The following MYH14 variants were observed in gnomAD, a reference collection of about 807,000 sequenced individuals.
The protein encoded by MYH14 is myosin-14.
MYH14 carries 123 observed loss-of-function variants against 255.5 expected under a neutral mutation model. The ratio of observed to expected loss-of-function variants is 0.48; its 90% confidence interval spans 0.42 to 0.56. The LOEUF is 0.56. MYH14 is among the 20% of genes least tolerant of loss of function. The pLI is 0.00. For missense variants in MYH14, 2,423 were observed against 2,802.3 expected (o/e 0.86, Z 3.06); for synonymous variants, 1,095 against 1,161.2 (o/e 0.94, Z 1.16).
intron 30 of MYH14, 41 bp downstream of exon 30, chr19:50,278,330 C>G (rs2035587391): frequency 1.4e-6 from 2 of 1,425,846 alleles, no homozygotes; most frequent in African/African-American, 1.4e-5. Context: ...GCTGTGTGAC[C>G]TTGGTGACAT....
intron 17 of MYH14, among the ~76,000 whole-genome samples, chr19:50,256,707 C>G (rs1157982418): frequency 6.6e-5 from 10 of 152,172 alleles, no homozygotes; most frequent in Non-Finnish European, 1.5e-4. Flanking sequence ...TTAGGCTCTT[C>G]TGGAAAAATG....
rs866381298 is a variant in MYH14, at chr19:50,250,059, A to G, written c.1656+236A>G. 1.3e-5 allele frequency among the ~76,000 whole-genome samples: 2 copies of G among 152,172 alleles called. No homozygotes were observed. The highest frequency in any genetic ancestry group is 2.4e-5 in the African/African-American group (1 of 41,442). On this transcript the variant is annotated intron_variant, in intron 14 of 42. Coordinates refer to ENST00000642316, the MANE Select transcript of MYH14 (RefSeq NM_001145809.2). The surrounding 1 kb of genome is among the most constrained non-coding windows in gnomAD (Gnocchi z 5.4). Reference sequence around the variant, plus strand: ...ATCGGTTAATCAGAGCTCTCACCGTAACTGTTGTTCTCACGTTTGTTTTTT... The same window carrying G: ...ATCGGTTAATCAGAGCTCTCACCGTGACTGTTGTTCTCACGTTTGTTTTTT...
In MYH14 at chr19:50,273,601, G is replaced by GTGTGTGTGTGTGTGTGTGTGT. The variant is rs1555772397; in HGVS notation, c.3467+870_3467+871insTGTGTGTGTGTGTGTGTGTGT. ...ATCTTAGAGTTGATGGAACATGGGGGGTGTGTGTGTGTGTGTGTGTGTGTG... is the reference window on the plus strand; with the variant it reads ...ATCTTAGAGTTGATGGAACATGGGGGTGTGTGTGTGTGTGTGTGTGTGTGTGTGTGTGTGTGTGTGTGTGTG... On this transcript the variant is annotated intron_variant, in intron 27 of 42. Coordinates refer to ENST00000642316, the MANE Select transcript of MYH14 (RefSeq NM_001145809.2). 2.1e-3 allele frequency among the ~76,000 whole-genome samples: 285 copies of GTGTGTGTGTGTGTGTGTGTGT among 137,574 alleles called. 2 individuals carry two copies. Among genetic ancestry groups the GTGTGTGTGTGTGTGTGTGTGT allele is most frequent in the African/African-American group, 4.2e-3 (155 of 37,174 alleles). 90.3% of individuals were successfully genotyped at this position (137,574 alleles called of 152,430 possible).
chr19:50,225,560 A>T (rs1215928739), intron 6 of MYH14, 25 bp from the exon 7 acceptor site: 1 of 1,600,610 alleles, frequency 6.2e-7, no homozygotes, highest in South Asian at 1.1e-5. Flanking sequence ...CACTGACCTC[A>T]TGCATCATCT....
intron 40 of MYH14, among the ~76,000 whole-genome samples, chr19:50,305,843 G>T (rs1230274894): frequency 6.6e-6 from 1 of 152,156 alleles, no homozygotes; most frequent in East Asian, 1.9e-4. Context: ...GAGGTGGGAG[G>T]ATCGCTTGAG....
At chr19:50,208,969 C>T (rs1048284723) in intron 1 of MYH14, among the ~76,000 whole-genome samples, 2 of 151,990 alleles carry the variant, frequency 1.3e-5, no homozygotes, top group African/African-American at 4.8e-5. Flanking sequence ...GTCTGGGCAA[C>T]ATAGAAGACC....
chr19:50,256,748 A>G (rs1355852065), intron 17 of MYH14, among the ~76,000 whole-genome samples: 1 of 152,242 alleles, frequency 6.6e-6, no homozygotes, highest in Non-Finnish European at 1.5e-5. Context: ...CCCTATTTCA[A>G]ATATTGCATA....
chr19:50,261,543 G>A lies in MYH14; in HGVS notation c.2493G>A (p.Gly831=), dbSNP rs1016179584. ...VGQSKIFFRA[G]VLAQLEEERD... is the part of the protein sequence containing the mutation. ...AGAGCAAGATCTTCTTCCGGGCTGG[G>A]GTCCTGGCCCAGCTGGAAGAGGAGC... is the stretch of plus-strand genomic sequence containing the variant. The change falls in exon 21 of 43, where the codon GGG becomes GGA. Residue 831 remains glycine (G), a synonymous_variant. Transcript: ENST00000642316. 1.9e-6 allele frequency: 3 copies of A among 1,597,144 alleles called. No individual in the cohort carries two copies. Among genetic ancestry groups the A allele is most frequent in the Non-Finnish European group, 2.6e-6 (3 of 1,174,484 alleles).
chr19:50,272,086 A>C (rs1310790881), intron 26 of MYH14, 114 bp downstream of exon 26: 1 of 1,421,564 alleles, frequency 7.0e-7, no homozygotes, highest in South Asian at 1.3e-5. Context: ...GATAGGAAGG[A>C]AGGCTCAGGG....
chr19:50,272,645 G>A lies in MYH14; in HGVS notation c.3381G>A (p.Glu1127=), dbSNP rs756943385. The A allele has an allele frequency of 2.4e-5, 38 of 1,567,378 alleles. No homozygotes were observed. The highest frequency in any genetic ancestry group is 7.6e-5 in the Admixed American group (4 of 52,544). Residue 1127 remains glutamate (E), a synonymous_variant, in exon 27 of 43, where the codon GAG becomes GAA. Coordinates refer to ENST00000642316, the MANE Select transcript of MYH14 (RefSeq NM_001145809.2). ...RLDGESSELQ[E]QMVEQQQRAE... Reference sequence around the variant, plus strand: ...ATGGGGAGAGCTCAGAGCTGCAGGAGCAGATGGTGGAGCAGCAACAGCGGG... The same window carrying A: ...ATGGGGAGAGCTCAGAGCTGCAGGAACAGATGGTGGAGCAGCAACAGCGGG...
At chr19:50,233,290 C>T (rs1176558584) in intron 10 of MYH14, among the ~76,000 whole-genome samples, 1 of 152,112 alleles carries the variant, frequency 6.6e-6, no homozygotes, top group African/African-American at 2.4e-5. Flanking sequence ...CTGCCTCAGC[C>T]TCCCGAGTAA....
At chr19:50,247,320 T>C (rs1226748763) in intron 12 of MYH14, among the ~76,000 whole-genome samples, 198 bp downstream of exon 12, 3 of 151,888 alleles carry the variant, frequency 2.0e-5, no homozygotes, top group African/African-American at 7.3e-5. Context: ...CCTCAAGTTA[T>C]AGTAAGGAAA....
At chr19:50,205,289 G>T (rs548717090) in intron 1 of MYH14, among the ~76,000 whole-genome samples, 1 of 152,202 alleles carries the variant, frequency 6.6e-6, no homozygotes, top group Non-Finnish European at 1.5e-5. Flanking sequence ...TCCATAAGGG[G>T]GAGGAGCCCC....
chr19:50,246,232 T>C (rs145907466), intron 11 of MYH14, among the ~76,000 whole-genome samples: 7,875 of 150,708 alleles, frequency 0.052, 326 homozygotes, highest in Admixed American at 0.11. Flanking sequence ...CTCTACCTCC[T>C]GGGTTCAAGC....
At chr19:50,227,479 A>G (rs956239817) in intron 8 of MYH14, among the ~76,000 whole-genome samples, 1 of 152,058 alleles carries the variant, frequency 6.6e-6, no homozygotes, top group Non-Finnish European at 1.5e-5. Context: ...CTTAGTATGA[A>G]CCAAAATTCC....
chr19:50,291,016 G>T lies in MYH14; in HGVS notation c.5095G>T (p.Glu1699Ter). ...GATGGCCTCTGCCGGCCAGGGCAAG[G>T]AGGAGGCGGTGAAGCAGCTTCGCAA... ...AQMASAGQGK[E>*]EAVKQLRKMQ... is the part of the protein sequence containing the mutation. Residue 1699 changes from glutamate to a stop codon, truncating the protein, a stop_gained, in exon 36 of 43, where the codon GAG becomes TAG. Transcript: ENST00000642316. LOFTEE classifies it high-confidence loss of function. 1 of 1,613,014 alleles carries T rather than the reference G, an allele frequency of 6.2e-7. No homozygotes were observed. The highest frequency in any genetic ancestry group is 1.1e-5 in the South Asian group (1 of 90,726).
Position 50,210,687 on chromosome 19 carries a change from G to C in MYH14, c.322G>C (p.Glu108Gln), listed in dbSNP as rs374397467. The C allele has an allele frequency of 1.3e-6, 2 of 1,570,430 alleles. No homozygotes were observed. The highest frequency in any genetic ancestry group is 2.7e-5 in the African/African-American group (2 of 73,508). The stretch of plus-strand genomic sequence containing the variant: ...GAACCCGCCCAAGTTCAGCAAGGCC[G>C]AGGACATGGCCGAGCTGACCTGCCT... ...RMNPPKFSKAEDMAELTCLNE... is the reference protein window; with the variant it reads ...RMNPPKFSKAQDMAELTCLNE... Residue 108 changes from glutamate to glutamine, a missense_variant, in exon 2 of 43, where the codon GAG (glutamate) becomes CAG (glutamine). Physicochemically the swap from Glu to Gln is conservative, Grantham distance 29 (BLOSUM62 2). Transcript: ENST00000642316.
chr19:50,231,294 C>G (rs947483154), intron 9 of MYH14, among the ~76,000 whole-genome samples: 3 of 152,398 alleles, frequency 2.0e-5, no homozygotes, highest in Admixed American at 2.0e-4. Context: ...TGGGCGCCGG[C>G]CCCTGCCATC....
chr19:50,247,555 A>G, intron 12 of MYH14, among the ~76,000 whole-genome samples: 1 of 152,106 alleles, frequency 6.6e-6, no homozygotes, highest in Admixed American at 6.6e-5. Flanking sequence ...ATGTAAATGC[A>G]ACATGGTATC....
Sources: gnomAD v4.1 joint callset for allele counts (sites outside exome capture counted in the v4.1 genomes callset) on GRCh38, gnomAD v4.1.1 for gene constraint, Gnocchi (gnomAD v3.1) non-coding constraint, MANE v1.5 for transcripts, NCBI Gene and HGNC (gene_info 2026-07-23, HGNC 2026-07-21) for gene names.